The following MAGI1 variants were observed in gnomAD, a reference collection of about 807,000 sequenced individuals.
MAGI1 encodes the protein membrane-associated guanylate kinase, WW and PDZ domain-containing protein 1.
A neutral mutation model predicts 139.9 loss-of-function variants in MAGI1; 58 were observed. The observed-to-expected ratio is 0.41, with a 90% CI of 0.34 to 0.52. The LOEUF is 0.52. Among genes scored for constraint, MAGI1 ranks in the 20% least tolerant of loss-of-function variants. MAGI1 has a pLI of 0.12. For missense variants in MAGI1, 1,874 were observed against 1,901.6 expected, an observed-to-expected ratio of 0.99 and a Z score of 0.27; for synonymous variants, 812 against 737.9, an observed-to-expected ratio of 1.10 and a Z score of -1.63.
chr3:65,430,546 C>T lies in MAGI1; in HGVS notation c.1546+153G>A, dbSNP rs150218245. Among the ~76,000 whole-genome samples the T allele has an allele frequency of 6.9e-3, 1,053 of 152,232 alleles. 7 individuals are homozygous for T. Among genetic ancestry groups the T allele is most frequent in the Middle Eastern group, 0.041 (12 of 294 alleles). ...GGGATGAATTTATGTAATGTGGAGA[C>T]CTGGCTCATTCTCAAGGTGTTTAAA... On this transcript the variant is annotated intron_variant, in intron 11 of 22. Transcript: ENST00000402939.
intron 1 of MAGI1, among the ~76,000 whole-genome samples, chr3:65,767,961 T>A (rs2037626151): frequency 6.6e-6 from 1 of 152,132 alleles, no homozygotes; most frequent in Non-Finnish European, 1.5e-5. Flanking sequence ...CCCAATGGAG[T>A]GCCTTTTCTA....
intron 1 of MAGI1, among the ~76,000 whole-genome samples, chr3:65,818,296 G>A (rs2041735961): frequency 6.6e-6 from 1 of 152,082 alleles, no homozygotes; most frequent in Non-Finnish European, 1.5e-5. Context: ...AATACTTACT[G>A]AGGCTCCATT....
chr3:65,868,877 T>C (rs535008908), intron 1 of MAGI1, among the ~76,000 whole-genome samples: 4 of 152,284 alleles, frequency 2.6e-5, no homozygotes, highest in African/African-American at 4.8e-5. Flanking sequence ...GATCACCCCA[T>C]GTAATACTAC....
intron 1 of MAGI1, among the ~76,000 whole-genome samples, chr3:65,968,230 G>A (rs1470212430): frequency 6.6e-6 from 1 of 152,138 alleles, no homozygotes; most frequent in African/African-American, 2.4e-5. Context: ...CATGAAATGT[G>A]TCCACCTTTT....
intron 2 of MAGI1, among the ~76,000 whole-genome samples, chr3:65,518,678 T>G (rs1290168042): frequency 6.6e-6 from 1 of 152,060 alleles, no homozygotes; most frequent in Non-Finnish European, 1.5e-5. Flanking sequence ...CATGAAAAAT[T>G]AAAACCTGTG....
At chr3:66,021,310 A>G (rs2067948080) in intron 1 of MAGI1, among the ~76,000 whole-genome samples, 1 of 152,214 alleles carries the variant, frequency 6.6e-6, no homozygotes, top group Non-Finnish European at 1.5e-5. Context: ...CTGTCTTTCC[A>G]CCGGAGTTCC....
rs1397888223 is a variant in MAGI1 at position 65,622,074 on chromosome 3, T to G, written c.328A>C (p.Lys110Gln). The G allele has an allele frequency of 6.2e-7, 1 of 1,613,022 alleles. No individual in the cohort carries two copies. The highest frequency in any genetic ancestry group is 8.5e-7 in the Non-Finnish European group (1 of 1,179,054). ...TGATTGAGAAAATGTCGCAGGTCCT[T>G]GTTCAGCCTTCCTCCTGCAGGAAAT... Reference protein sequence around the residue: ...KAVRQGGRLNKDLRHFLNQRF... With the variant: ...KAVRQGGRLNQDLRHFLNQRF... Residue 110 changes from lysine (K) to glutamine (Q), a missense_variant, in exon 2 of 23, where the codon AAG (lysine) becomes CAG (glutamine). By Grantham distance (53) the Lys-to-Gln change is moderately conservative. Coordinates refer to ENST00000402939, the MANE Select transcript of MAGI1 (RefSeq NM_001033057.2).
intron 2 of MAGI1, among the ~76,000 whole-genome samples, chr3:65,515,556 T>C (rs2077826609): frequency 6.6e-6 from 1 of 152,208 alleles, no homozygotes; most frequent in African/African-American, 2.4e-5. Flanking sequence ...TAGTTGTCCC[T>C]TATTTCTCTT....
chr3:65,737,919 C>T (rs1370923783), intron 1 of MAGI1, among the ~76,000 whole-genome samples: 2 of 152,142 alleles, frequency 1.3e-5, no homozygotes, highest in East Asian at 1.9e-4. Flanking sequence ...ATTAAACCTG[C>T]CTCATTAGGA....
chr3:65,429,683 C>T lies in MAGI1; in HGVS notation c.2004G>A (p.Val668=), dbSNP rs1164604197. ...ACCTTGGGCTGTCAACAATCTGTTT[C>T]ACTCTTTGGCCACCCCCACCAGGAC... ...ADSPGGGGQR[V]KQIVDSPRCR... The change falls in exon 12 of 23, where the codon GTG becomes GTA. Residue 668 remains valine, a synonymous_variant. Transcript: ENST00000402939. 1 of 1,613,918 alleles carries T rather than the reference C, an allele frequency of 6.2e-7. No homozygotes were observed. Among genetic ancestry groups the T allele is most frequent in the Admixed American group, 1.7e-5 (1 of 59,962 alleles).
chr3:65,482,707 C>G (rs1292400721), intron 3 of MAGI1, among the ~76,000 whole-genome samples: 2 of 152,216 alleles, frequency 1.3e-5, no homozygotes, highest in Non-Finnish European at 2.9e-5. Flanking sequence ...AAGATTCTGT[C>G]TAGTGGTTTT....
intron 1 of MAGI1, among the ~76,000 whole-genome samples, chr3:65,676,871 C>T (rs1440962874): frequency 3.9e-5 from 6 of 152,158 alleles, no homozygotes; most frequent in Non-Finnish European, 8.8e-5. Flanking sequence ...CAATACAGAA[C>T]GACATATCCC....
At chr3:66,005,007 T>C (rs910348359) in intron 1 of MAGI1, among the ~76,000 whole-genome samples, 18 of 152,214 alleles carry the variant, frequency 1.2e-4, no homozygotes, top group Non-Finnish European at 7.3e-5. Flanking sequence ...TGACATCTGA[T>C]TTAATGTACA....
chr3:65,803,814 C>G (rs1393774351), intron 1 of MAGI1, among the ~76,000 whole-genome samples: 3 of 152,124 alleles, frequency 2.0e-5, no homozygotes, highest in Non-Finnish European at 4.4e-5. Context: ...TGCTGGAGGC[C>G]ATTATGCTTA....
chr3:65,700,981 G>T (rs72898296), intron 1 of MAGI1, among the ~76,000 whole-genome samples: 2 of 151,936 alleles, frequency 1.3e-5, no homozygotes, highest in Non-Finnish European at 2.9e-5. Flanking sequence ...TTATTCAACC[G>T]CCCCTTTTTA....
At chr3:65,651,735 G>T (rs1430023530) in intron 1 of MAGI1, among the ~76,000 whole-genome samples, 2 of 152,036 alleles carry the variant, frequency 1.3e-5, no homozygotes, top group Non-Finnish European at 2.9e-5. Flanking sequence ...GAGGATCCAA[G>T]AGAGAATCCT....
At chr3:65,914,033 C>T (rs537631549) in intron 1 of MAGI1, 1 of 152,326 alleles carries the variant, frequency 6.6e-6, no homozygotes, top group African/African-American at 2.4e-5. Flanking sequence ...ATCTTAGACC[C>T]TGCTTTCTCC....
Position 65,677,807 on chromosome 3 carries a change from G to A in MAGI1, c.314-55719C>T, listed in dbSNP as rs2107498185. On this transcript the variant is annotated intron_variant, in intron 1 of 22. Coordinates refer to ENST00000402939, the MANE Select transcript of MAGI1 (RefSeq NM_001033057.2). ...AGGAATGCACTAAATCACTGGAAGT[G>A]CTGCACATGAAGACAAAAATCCAAC... Among the ~76,000 whole-genome samples, 2 of 152,310 alleles carry A rather than the reference G, an allele frequency of 1.3e-5. 1 individual carries two copies. The highest frequency in any genetic ancestry group is 4.8e-5 in the African/African-American group (2 of 41,576).
intron 1 of MAGI1, among the ~76,000 whole-genome samples, chr3:66,032,656 C>T (rs1435750377): frequency 6.6e-6 from 1 of 151,756 alleles, no homozygotes; most frequent in Non-Finnish European, 1.5e-5. Context: ...CGGTGGCTCA[C>T]GCCTACAATC....
Sources: allele counts gnomAD v4.1 joint callset (sites outside exome capture counted in the v4.1 genomes callset), GRCh38; gene constraint gnomAD v4.1.1; transcripts MANE v1.5; gene names NCBI Gene and HGNC (gene_info 2026-07-23, HGNC 2026-07-21).